VDAC1: variants seen among roughly 807,000 people sequenced by gnomAD.
The protein encoded by VDAC1 is voltage dependent anion channel 1, also known as non-selective voltage-gated ion channel VDAC1.
A neutral mutation model predicts 34.7 loss-of-function variants in VDAC1; 10 were observed. The observed-to-expected ratio is 0.29, with a 90% CI of 0.18 to 0.49. VDAC1 has a LOEUF of 0.49. Ranked by LOEUF, VDAC1 falls within the 20% of genes least tolerant of loss-of-function variation. VDAC1 has a pLI of 0.99. For synonymous variants in VDAC1, 130 were observed against 136.0 expected, an observed-to-expected ratio of 0.96 and a Z score of 0.30; for missense variants, 230 against 347.9, an observed-to-expected ratio of 0.66 and a Z score of 2.69.
At chr5:134,023,821 G>C in the VDAC1 span, among the ~76,000 whole-genome samples, 1 of 152,194 alleles carries the variant, frequency 6.6e-6, no homozygotes, top group East Asian at 1.9e-4. Context: ...TCTCCAAAGA[G>C]GTGACTTATA....
At chr5:134,048,650 A>C in the VDAC1 span, among the ~76,000 whole-genome samples, 1 of 152,152 alleles carries the variant, frequency 6.6e-6, no homozygotes, top group Non-Finnish European at 1.5e-5. Context: ...CCATAATGAA[A>C]CACCACCCAA....
At chr5:134,058,516 C>T in the VDAC1 span, among the ~76,000 whole-genome samples, 2 of 151,990 alleles carry the variant, frequency 1.3e-5, no homozygotes, top group African/African-American at 2.4e-5. Flanking sequence ...GGGGTTTCAC[C>T]GTGTTAACCA....
At chr5:134,050,579 C>A in the VDAC1 span, among the ~76,000 whole-genome samples, 177 of 152,316 alleles carry the variant, frequency 1.2e-3, no homozygotes, top group Non-Finnish European at 6.2e-4. Flanking sequence ...ATTGCCCGTT[C>A]TTCTCCACAT....
upstream of VDAC1, among the ~76,000 whole-genome samples, chr5:134,006,662 G>C (rs1443216957): frequency 6.8e-6 from 1 of 148,106 alleles, no homozygotes; most frequent in Non-Finnish European, 1.5e-5. Flanking sequence ...AGAATCGCTT[G>C]AACTTGGAAG....
In VDAC1 at chr5:133,997,638, G is replaced by C. The variant is rs561239289; in HGVS notation, c.-6-4620C>G. Among the ~76,000 whole-genome samples, 30 of 148,428 alleles carry C rather than the reference G, an allele frequency of 2.0e-4. 1 individual carries two copies. In the South Asian group the frequency reaches 5.5e-3, roughly 27 times the overall value. Reference sequence around the variant, plus strand: ...CTGAGGCACAAGCTTAAACCAGGAGGCAGAGGTTGCAGTGAGCCAAGATCA... The same window carrying C: ...CTGAGGCACAAGCTTAAACCAGGAGCCAGAGGTTGCAGTGAGCCAAGATCA... On this transcript the variant is annotated intron_variant, in intron 1 of 8. Coordinates refer to ENST00000265333, the MANE Select transcript of VDAC1 (RefSeq NM_003374.3).
At chr5:134,071,371 C>T in the VDAC1 span, among the ~76,000 whole-genome samples, 49 of 152,242 alleles carry the variant, frequency 3.2e-4, no homozygotes, top group East Asian at 4.4e-3. The surrounding 1 kb of genome is among the most constrained non-coding windows in gnomAD (Gnocchi z 4.1). Context: ...GGACTCGCCC[C>T]TTCCCCCCAA....
At chr5:133,996,234 G>A (rs1195847227) in intron 1 of VDAC1, among the ~76,000 whole-genome samples, 1 of 152,174 alleles carries the variant, frequency 6.6e-6, no homozygotes, top group Non-Finnish European at 1.5e-5. Flanking sequence ...GGGCCAGGCT[G>A]AGCAGACCTG....
At chr5:134,034,956 A>G in the VDAC1 span, among the ~76,000 whole-genome samples, 1 of 152,260 alleles carries the variant, frequency 6.6e-6, no homozygotes, top group African/African-American at 2.4e-5. Flanking sequence ...GAGGGGGGAC[A>G]TGTAGAAATG....
the VDAC1 span, among the ~76,000 whole-genome samples, chr5:134,051,823 C>A: frequency 1.3e-5 from 2 of 152,028 alleles, no homozygotes; most frequent in East Asian, 1.9e-4. Context: ...CTCAGCCTCC[C>A]GAGTATCTGG....
chr5:134,032,124 C>CGAAAAAAAAAA, the VDAC1 span, among the ~76,000 whole-genome samples: 1 of 36,132 alleles, frequency 2.8e-5, no homozygotes, highest in South Asian at 1.9e-3. Flanking sequence ...CTCTGCCTCA[C>CGAAAAAAAAAA]AAAAAAAAAA....
the VDAC1 span, among the ~76,000 whole-genome samples, chr5:134,026,980 C>G: frequency 6.6e-6 from 1 of 152,224 alleles, no homozygotes; most frequent in African/African-American, 2.4e-5. Flanking sequence ...CAAGGGCAAC[C>G]TGGCCCTGGA....
At chr5:133,980,313 C>T (rs1752641227) in intron 6 of VDAC1, among the ~76,000 whole-genome samples, 2 of 152,192 alleles carry the variant, frequency 1.3e-5, no homozygotes, top group Non-Finnish European at 2.9e-5. Context: ...CTGAGATAAT[C>T]AGCTCCTAAA....
chr5:134,009,775 G>T (rs375181143), upstream of VDAC1, among the ~76,000 whole-genome samples: 1 of 151,896 alleles, frequency 6.6e-6, no homozygotes, highest in Admixed American at 6.6e-5. Flanking sequence ...TCCACCTCCC[G>T]AGTTAAGCTA....
the VDAC1 span, among the ~76,000 whole-genome samples, chr5:134,100,060 T>C: frequency 8.5e-5 from 13 of 152,254 alleles, no homozygotes; most frequent in Non-Finnish European, 1.8e-4. Flanking sequence ...GCCCTGTGCA[T>C]AGGCACAGGC....
chr5:134,051,333 T>C, the VDAC1 span, among the ~76,000 whole-genome samples: 4 of 152,266 alleles, frequency 2.6e-5, no homozygotes, highest in Non-Finnish European at 5.9e-5. Flanking sequence ...GGGCTAGGCC[T>C]GGGCTACAGT....
At chr5:134,060,476 A>G in the VDAC1 span, among the ~76,000 whole-genome samples, 1 of 152,000 alleles carries the variant, frequency 6.6e-6, no homozygotes, top group Non-Finnish European at 1.5e-5. Flanking sequence ...CTTATTAGAG[A>G]TATATGATAC....
the VDAC1 span, among the ~76,000 whole-genome samples, chr5:134,056,434 AT>A: frequency 0.038 from 4,530 of 118,292 alleles, 63 homozygotes; most frequent in African/African-American, 0.066. Flanking sequence ...GCTGCACTGA[AT>A]TTTTTTTTTT....
At position 133,980,923 on chromosome 5, in the gene VDAC1, C is replaced by T. The variant is rs768054563; in HGVS notation, c.357G>A (p.Lys119=). 5.1e-5 allele frequency: 82 copies of T among 1,613,892 alleles called. No homozygotes were observed. The highest frequency in any genetic ancestry group is 9.9e-5 in the South Asian group (9 of 91,086). ...CGCAGCCCAGGTTAATGTGCTCCCG[C>T]TTGTACCCTGTCTTGATTTTAGCAT... is the stretch of plus-strand genomic sequence containing the variant. The part of the protein sequence containing the change: ...KKNAKIKTGY[K]REHINLGCDM... Residue 119 remains lysine (K), a synonymous_variant, in exon 6 of 9, where the codon AAG becomes AAA. Transcript: ENST00000265333.
rs936829443 is a variant in VDAC1 at position 133,975,458 on chromosome 5, C to T, written c.702+413G>A. 4.6e-5 allele frequency among the ~76,000 whole-genome samples: 7 copies of T among 150,714 alleles called. No individual in the cohort carries two copies. In the East Asian group the frequency reaches 5.8e-4, roughly 13 times the overall value. On this transcript the variant is annotated intron_variant, in intron 7 of 8. Coordinates refer to ENST00000265333, the MANE Select transcript of VDAC1 (RefSeq NM_003374.3). Reference sequence around the variant, plus strand: ...TCACTTTGTTTTTGTTTTTTTGAGACGGAGTCTTTTTTTTTTTTTTGAGAT... The same window carrying T: ...TCACTTTGTTTTTGTTTTTTTGAGATGGAGTCTTTTTTTTTTTTTTGAGAT...
Sources: allele counts gnomAD v4.1 joint callset (sites outside exome capture counted in the v4.1 genomes callset), GRCh38; gene constraint gnomAD v4.1.1; non-coding constraint Gnocchi (gnomAD v3.1); transcripts MANE v1.5; gene names NCBI Gene and HGNC (gene_info 2026-07-23, HGNC 2026-07-21).